PTCD3: variants seen among roughly 807,000 people sequenced by gnomAD.
PTCD3 encodes the protein pentatricopeptide repeat domain 3, also known as small ribosomal subunit protein mS39.
A neutral mutation model predicts 101.9 loss-of-function variants in PTCD3; 89 were observed. The observed-to-expected ratio is 0.87, with a 90% CI of 0.74 to 1.04. The LOEUF (loss-of-function observed/expected upper bound fraction) is 1.04. PTCD3 is among the 50% of genes least tolerant of loss of function. The probability of loss-of-function intolerance (pLI) is 0.00; values close to 1 mark genes in which losing one functional copy is unlikely to be tolerated. For missense variants in PTCD3, 870 were observed against 828.2 expected (o/e 1.05, Z -0.62); for synonymous variants, 296 against 278.5 (o/e 1.06, Z -0.63).
At chr2:86,109,952 G>C (rs1674044412) in intron 3 of PTCD3, among the ~76,000 whole-genome samples, 1 of 152,176 alleles carries the variant, frequency 6.6e-6, no homozygotes, top group African/African-American at 2.4e-5. Flanking sequence ...ACCTTTAAAA[G>C]TTCTGGAAAT....
chr2:86,137,192 C>A (rs1289423607), intron 23 of PTCD3, 52 bp downstream of exon 23: 4 of 1,502,032 alleles, frequency 2.7e-6, no homozygotes, highest in Non-Finnish European at 3.6e-6. Flanking sequence ...TTTCATCCAT[C>A]TGCCCATTCA....
intron 4 of PTCD3, among the ~76,000 whole-genome samples, chr2:86,114,090 T>C (rs966366620): frequency 6.6e-6 from 1 of 152,136 alleles, no homozygotes; most frequent in African/African-American, 2.4e-5. Flanking sequence ...TTGTGACTTA[T>C]CTGGCCCTTA....
intron 3 of PTCD3, 123 bp from the exon 4 acceptor site, chr2:86,110,990 A>G (rs532079231): frequency 2.3e-5 from 21 of 907,754 alleles, no homozygotes; most frequent in African/African-American, 2.3e-4. Context: ...ACCTTGTGAC[A>G]TAACCAGCTT....
At chr2:86,115,649 T>C (rs530657325) in intron 4 of PTCD3, among the ~76,000 whole-genome samples, 1 of 152,208 alleles carries the variant, frequency 6.6e-6, no homozygotes, top group African/African-American at 2.4e-5. Flanking sequence ...GGATATAGGA[T>C]AAGTTTTTGC....
rs370928001 is a variant in PTCD3, at chr2:86,116,957, G to GTTT, written c.310-91_310-89dup. On this transcript the variant is annotated intron_variant, in intron 5 of 23. Transcript: ENST00000254630. ...TGGGATTCTGCGTGTTGTTGCATTT[G>GTTT]TTTTTTTTTGTGAGGGGGGAGAAAT... 14 of 609,006 alleles carry GTTT rather than the reference G, an allele frequency of 2.3e-5. No homozygotes were observed. In the African/African-American group the frequency reaches 2.4e-4, roughly 11 times the overall value. The allele number at this position is 609,006 out of a possible 1,614,324, so 37.7% of individuals were successfully genotyped here.
At position 86,134,904 on chromosome 2, in the gene PTCD3, A is replaced by G; in HGVS notation, c.1695A>G (p.Arg565=). Residue 565 remains arginine, a synonymous_variant, in exon 21 of 24, where the codon AGA becomes AGG. Coordinates refer to ENST00000254630, the MANE Select transcript of PTCD3 (RefSeq NM_017952.6). ...IKSAYESQPI[R]QTAQDWPATS... The stretch of plus-strand genomic sequence containing the variant: ...CTGCGTATGAAAGCCAACCCATCAG[A>G]CAGACTGCTCAGGATTGGCCAGCCA... 1 of 1,614,168 alleles carries G rather than the reference A, an allele frequency of 6.2e-7. No individual in the cohort carries two copies.
intron 22 of PTCD3, 85 bp from the exon 23 acceptor site, chr2:86,136,897 T>C: frequency 2.0e-6 from 3 of 1,487,012 alleles, no homozygotes; most frequent in South Asian, 2.4e-5. Flanking sequence ...TTGGGAATTC[T>C]GTTACTGAAC....
At chr2:86,114,159 A>G (rs1303628296) in intron 4 of PTCD3, among the ~76,000 whole-genome samples, 3 of 152,236 alleles carry the variant, frequency 2.0e-5, no homozygotes, top group Non-Finnish European at 4.4e-5. Flanking sequence ...TGCCCTTATG[A>G]TGCTTATCAA....
intron 16 of PTCD3, among the ~76,000 whole-genome samples, chr2:86,131,625 C>T (rs1277235275): frequency 6.6e-6 from 1 of 152,106 alleles, no homozygotes; most frequent in Non-Finnish European, 1.5e-5. Context: ...TCAGATTTGC[C>T]TATTAGTAAG....
chr2:86,117,747 C>T (rs2104451648), intron 6 of PTCD3, among the ~76,000 whole-genome samples: 1 of 152,058 alleles, frequency 6.6e-6, no homozygotes, highest in Non-Finnish European at 1.5e-5. Flanking sequence ...AGGTGTAAGC[C>T]ACTGCTGCTT....
At chr2:86,112,742 G>A (rs1234878222) in intron 4 of PTCD3, among the ~76,000 whole-genome samples, 1 of 151,618 alleles carries the variant, frequency 6.6e-6, no homozygotes, top group Admixed American at 6.6e-5. Context: ...ATTTGGCAAA[G>A]GAGGAAGCTA....
At chr2:86,136,794 G>A (rs1383730756) in intron 22 of PTCD3, 188 bp from the exon 23 acceptor site, 5 of 818,588 alleles carry the variant, frequency 6.1e-6, no homozygotes, top group Non-Finnish European at 1.0e-5. Context: ...CTGAATGAAT[G>A]TTGATAATCC....
Position 86,137,728 on chromosome 2 carries a change from G to A in PTCD3, c.*169G>A, listed in dbSNP as rs1674614661. On this transcript the variant is annotated 3_prime_UTR_variant, in exon 24 of 24. Coordinates refer to ENST00000254630, the MANE Select transcript of PTCD3 (RefSeq NM_017952.6). ...ACACAGCTGACTTATGTAGATTTAA[G>A]CTGCTAATATGCTACTTAACCATCT... is the stretch of plus-strand genomic sequence containing the variant. The A allele has an allele frequency of 2.2e-6, 2 of 891,962 alleles. No homozygotes were observed. The highest frequency in any genetic ancestry group is 1.6e-5 in the South Asian group (1 of 60,970). The allele number at this position is 891,962 out of a possible 1,614,324, so 55.3% of individuals were successfully genotyped here. A position where few individuals can be genotyped will look rare whatever the true frequency, so the allele number is the denominator to read the frequency against.
intron 3 of PTCD3, 42 bp downstream of exon 3, chr2:86,108,578 CT>C: frequency 6.5e-7 from 1 of 1,543,850 alleles, no homozygotes; most frequent in Non-Finnish European, 8.8e-7. Context: ...TGGTTGAGTG[CT>C]TACTATGAGA....
chr2:86,128,509 TAATA>T (rs1674439061), intron 14 of PTCD3, among the ~76,000 whole-genome samples: 1 of 152,166 alleles, frequency 6.6e-6, no homozygotes, highest in African/African-American at 2.4e-5. Context: ...TTAAGTAAAA[TAATA>T]AATTATTTTG....
chr2:86,118,654 G>T (rs887434521), intron 6 of PTCD3, among the ~76,000 whole-genome samples: 1 of 152,168 alleles, frequency 6.6e-6, no homozygotes, highest in Admixed American at 6.5e-5. Context: ...GAAAGTATTT[G>T]AATAAGTTAG....
At chr2:86,107,187 T>A (rs1337382567) in intron 1 of PTCD3, 2 of 471,110 alleles carry the variant, frequency 4.2e-6, no homozygotes, top group Non-Finnish European at 8.8e-6. Context: ...TCAATGCCAG[T>A]CCTCCGTTTC....
In PTCD3 at chr2:86,127,301, A is replaced by G; in HGVS notation, c.1092A>G (p.Gly364=). ...LQVLREMKAI[G]IEPSLATYHH... Reference sequence around the variant, plus strand: ...TTTTACGTGAAATGAAAGCCATTGGAATAGGTGAGGATGCGCCCTTGAGTT... The same window carrying G: ...TTTTACGTGAAATGAAAGCCATTGGGATAGGTGAGGATGCGCCCTTGAGTT... The change falls in exon 13 of 24, where the codon GGA becomes GGG. Residue 364 remains glycine (G), a synonymous_variant. Coordinates refer to ENST00000254630, the MANE Select transcript of PTCD3 (RefSeq NM_017952.6). The G allele has an allele frequency of 6.2e-7, 1 of 1,613,892 alleles. No individual in the cohort carries two copies. The highest frequency in any genetic ancestry group is 8.5e-7 in the Non-Finnish European group (1 of 1,179,886).
At chr2:86,114,106 C>T (rs1425910960) in intron 4 of PTCD3, among the ~76,000 whole-genome samples, 1 of 151,804 alleles carries the variant, frequency 6.6e-6, no homozygotes, top group Non-Finnish European at 1.5e-5. Flanking sequence ...CCTTAAAATC[C>T]AAGAGTTATT....
Sources: gnomAD v4.1 joint callset for allele counts (sites outside exome capture counted in the v4.1 genomes callset) on GRCh38, gnomAD v4.1.1 for gene constraint, MANE v1.5 for transcripts, NCBI Gene and HGNC (gene_info 2026-07-23, HGNC 2026-07-21) for gene names.